The following ZNF469 variants were observed in gnomAD, a reference collection of about 807,000 sequenced individuals.
ZNF469 encodes zinc finger protein 469.
Under a neutral mutation model 1.0 loss-of-function variants are expected in ZNF469, and 1 was observed. That is an observed-to-expected ratio of 1.00 (90% CI 0.35 to 4.73). The LOEUF (loss-of-function observed/expected upper bound fraction) is 4.73. Ranked by LOEUF, ZNF469 falls within the 30% of genes most tolerant of loss-of-function variation. The probability of loss-of-function intolerance (pLI) is 0.16; values close to 1 mark genes in which losing one functional copy is unlikely to be tolerated. For missense variants in ZNF469, 6,100 were observed against 5,356.3 expected, an observed-to-expected ratio of 1.14 and a Z score of -4.33; for synonymous variants, 2,703 against 2,363.4, an observed-to-expected ratio of 1.14 and a Z score of -4.17.
chr16:88,139,932 C>T, the ZNF469 span, among the ~76,000 whole-genome samples: 3 of 152,260 alleles, frequency 2.0e-5, no homozygotes, highest in South Asian at 6.2e-4. Context: ...AGACAGTCTC[C>T]AAACAACAGC....
At chr16:88,223,860 G>A in the ZNF469 span, among the ~76,000 whole-genome samples, 2 of 152,166 alleles carry the variant, frequency 1.3e-5, no homozygotes, top group African/African-American at 2.4e-5. Context: ...TGTGTGGAGC[G>A]CAGGCCTCGC....
rs571495204 is a variant in ZNF469, at chr16:88,387,049, C to T, written c.-192+3795C>T. ...GTTGGGCAGGTTGTTCACTGCACGT[C>T]GGCACCCAGTCTATACTCTGCTTGT... On this transcript the variant is annotated intron_variant, in intron 1 of 2. Transcript: ENST00000565624. Among the ~76,000 whole-genome samples, 32 of 152,284 alleles carry T rather than the reference C, an allele frequency of 2.1e-4. No homozygotes were observed. In the East Asian group the frequency reaches 4.2e-3, roughly 20 times the overall value.
chr16:88,428,862 T>C lies in ZNF469; in HGVS notation c.1392T>C (p.Phe464=). Residue 464 remains phenylalanine, a synonymous_variant, in exon 3 of 3, where the codon TTT becomes TTC. Coordinates refer to ENST00000565624, the MANE Select transcript of ZNF469 (RefSeq NM_001367624.2). ...GPLAATRSMF[F]NGQPSPGQRL... ...TGGCTGCCACCAGGAGTATGTTCTT[T>C]AACGGCCAGCCCAGCCCAGGCCAGC... 1 of 1,548,558 alleles carries C rather than the reference T, an allele frequency of 6.5e-7. No homozygotes were observed. The highest frequency in any genetic ancestry group is 8.7e-7 in the Non-Finnish European group (1 of 1,146,506).
Position 88,439,231 on chromosome 16 carries a change from A to ACCCACC in ZNF469, c.11762_11767dup (p.His3922_Arg3923insProHis), listed in dbSNP as rs757227922. ...CGGTGCTGAACCTGCCGAGCCACAC[A>ACCCACC]CCCACCGGACGGCCGAGGCCCAGAG... On this transcript the variant is annotated inframe_insertion, in exon 3 of 3. Coordinates refer to ENST00000565624, the MANE Select transcript of ZNF469 (RefSeq NM_001367624.2). 3 of 1,550,436 alleles carry ACCCACC rather than the reference A, an allele frequency of 1.9e-6. No homozygotes were observed. Among genetic ancestry groups the ACCCACC allele is most frequent in the East Asian group, 4.9e-5 (2 of 40,914 alleles).
the ZNF469 span, among the ~76,000 whole-genome samples, chr16:88,263,606 C>A: frequency 6.6e-6 from 1 of 152,154 alleles, no homozygotes; most frequent in Non-Finnish European, 1.5e-5. Flanking sequence ...TGGATTGGGA[C>A]TTTGCTGAGA....
chr16:88,438,486 G>T lies in ZNF469; in HGVS notation c.11016G>T (p.Lys3672Asn), dbSNP rs967698954. The change falls in exon 3 of 3, where the codon AAG becomes AAT. Residue 3672 changes from lysine (K) to asparagine (N), a missense_variant. Coordinates refer to ENST00000565624, the MANE Select transcript of ZNF469 (RefSeq NM_001367624.2). ...RGAFHKGSAT[K>N]PAGCQSSSKD... The stretch of plus-strand genomic sequence containing the variant: ...CCTTCCACAAGGGCAGCGCCACCAA[G>T]CCTGCGGGCTGCCAGAGCTCATCAA... 3.9e-5 allele frequency: 61 copies of T among 1,550,008 alleles called. No homozygotes were observed. The East Asian group carries it at 1.4e-3, about 37-fold the overall frequency.
chr16:88,130,626 G>A, the ZNF469 span, among the ~76,000 whole-genome samples: 2,979 of 147,912 alleles, frequency 0.02, no homozygotes, highest in African/African-American at 0.071. Flanking sequence ...GAATCACTTG[G>A]ACCTGGGAGG....
At chr16:88,148,821 C>T in the ZNF469 span, among the ~76,000 whole-genome samples, 9 of 152,246 alleles carry the variant, frequency 5.9e-5, no homozygotes, top group African/African-American at 1.4e-4. Flanking sequence ...GGCCTGAGTC[C>T]GGCATGGAGC....
At chr16:88,223,059 C>T in the ZNF469 span, among the ~76,000 whole-genome samples, 4 of 152,242 alleles carry the variant, frequency 2.6e-5, no homozygotes, top group Admixed American at 2.0e-4. Context: ...ATGTTCCCAG[C>T]AGTGGCATTT....
chr16:88,396,038 G>A (rs1433865324), intron 1 of ZNF469, among the ~76,000 whole-genome samples: 4 of 152,224 alleles, frequency 2.6e-5, no homozygotes, highest in South Asian at 2.1e-4. Context: ...GGGCGGACAC[G>A]GGACCATCTG....
chr16:88,261,818 C>T, the ZNF469 span, among the ~76,000 whole-genome samples: 6 of 152,176 alleles, frequency 3.9e-5, no homozygotes, highest in Non-Finnish European at 8.8e-5. This position sits in a 1 kb window ranked among gnomAD's most constrained non-coding sequence, Gnocchi z 6.0. Context: ...AGAATTCCGT[C>T]TGGATCTTCA....
the ZNF469 span, among the ~76,000 whole-genome samples, chr16:88,307,163 G>A: frequency 6.6e-6 from 1 of 152,212 alleles, no homozygotes; most frequent in South Asian, 2.1e-4. Flanking sequence ...CCCCCACACT[G>A]GGGTGTGTGT....
the ZNF469 span, among the ~76,000 whole-genome samples, chr16:88,288,446 A>G: frequency 0.034 from 5,116 of 152,172 alleles, 216 homozygotes; most frequent in East Asian, 0.16. Context: ...ATTGTCTCCT[A>G]CCCATCCACC....
intron 1 of ZNF469, among the ~76,000 whole-genome samples, chr16:88,388,386 A>G (rs1227774956): frequency 1.3e-5 from 2 of 152,238 alleles, no homozygotes; most frequent in Non-Finnish European, 2.9e-5. Context: ...ATGAGCAGCC[A>G]TTGAGGCTTT....
the ZNF469 span, among the ~76,000 whole-genome samples, chr16:88,122,175 C>T: frequency 2.8e-5 from 4 of 145,132 alleles, no homozygotes; most frequent in Admixed American, 1.4e-4. Context: ...GCCACGGCAA[C>T]CACTCGGATT....
the ZNF469 span, among the ~76,000 whole-genome samples, chr16:88,309,746 G>A: frequency 6.6e-6 from 1 of 150,906 alleles, no homozygotes; most frequent in Non-Finnish European, 1.5e-5. Flanking sequence ...TGGCGGGGGG[G>A]TGCCCTCTGA....
chr16:88,376,538 C>T, the ZNF469 span, among the ~76,000 whole-genome samples: 4 of 152,240 alleles, frequency 2.6e-5, no homozygotes, highest in African/African-American at 9.6e-5. Flanking sequence ...CGGGCCCATT[C>T]ATGCGCCAGC....
At chr16:88,269,327 G>T in the ZNF469 span, among the ~76,000 whole-genome samples, 1 of 152,126 alleles carries the variant, frequency 6.6e-6, no homozygotes, top group East Asian at 1.9e-4. Flanking sequence ...AGGCGGCCGG[G>T]CCTATGACAG....
the ZNF469 span, among the ~76,000 whole-genome samples, chr16:88,112,771 G>GTTT: frequency 4.5e-5 from 3 of 66,870 alleles, no homozygotes; most frequent in African/African-American, 1.6e-4. Context: ...CTGTGCAGAA[G>GTTT]CTTTTTTTTT....
Sources: allele counts gnomAD v4.1 joint callset (sites outside exome capture counted in the v4.1 genomes callset), GRCh38; gene constraint gnomAD v4.1.1; non-coding constraint Gnocchi (gnomAD v3.1); transcripts MANE v1.5; gene names NCBI Gene and HGNC (gene_info 2026-07-23, HGNC 2026-07-21).